Variants in MGAT4C observed in about 807,000 individuals in gnomAD.
MGAT4C encodes the protein alpha-1,3-mannosyl-glycoprotein 4-beta-N-acetylglucosaminyltransferase C.
In MGAT4C, 19 loss-of-function variants were observed where a neutral mutation model predicts 40.1. The observed-to-expected ratio is 0.47, with a 90% CI of 0.33 to 0.70. The LOEUF (loss-of-function observed/expected upper bound fraction) is 0.70, where lower values mean the gene tolerates loss of function less well. Among genes scored for constraint, MGAT4C ranks in the 30% least tolerant of loss-of-function variants. The pLI is 0.02. For missense variants in MGAT4C, 491 were observed against 563.2 expected, an observed-to-expected ratio of 0.87 and a Z score of 1.30; for synonymous variants, 181 against 187.1, an observed-to-expected ratio of 0.97 and a Z score of 0.27.
chr12:85,987,570 A>G (rs987299064), intron 3 of MGAT4C, among the ~76,000 whole-genome samples: 1 of 152,358 alleles, frequency 6.6e-6, no homozygotes, highest in East Asian at 1.9e-4. Flanking sequence ...GAGCTACTTC[A>G]TTAAATCATA....
chr12:86,505,550 GT>G (rs1232593490), intron 2 of MGAT4C, among the ~76,000 whole-genome samples: 1 of 152,144 alleles, frequency 6.6e-6, no homozygotes, highest in Non-Finnish European at 1.5e-5. Context: ...TTTCTCATCT[GT>G]TTATTTTTCC....
chr12:86,494,683 G>C (rs901028512), intron 2 of MGAT4C, among the ~76,000 whole-genome samples: 2 of 151,120 alleles, frequency 1.3e-5, no homozygotes, highest in African/African-American at 4.9e-5. Flanking sequence ...TGTAGAGATA[G>C]GGAAAAATAT....
At chr12:86,558,842 A>T (rs1233689860) in intron 2 of MGAT4C, among the ~76,000 whole-genome samples, 2 of 152,022 alleles carry the variant, frequency 1.3e-5, no homozygotes, top group Non-Finnish European at 2.9e-5. Flanking sequence ...AAAACAATTA[A>T]CAAAATAATA....
intron 1 of MGAT4C, among the ~76,000 whole-genome samples, chr12:86,757,391 T>C (rs1424636869): frequency 6.6e-6 from 1 of 152,128 alleles, no homozygotes; most frequent in Non-Finnish European, 1.5e-5. Context: ...TAAATTACTA[T>C]ATTAAAAAAT....
intron 3 of MGAT4C, among the ~76,000 whole-genome samples, chr12:86,352,071 G>C (rs2136192629): frequency 6.6e-6 from 1 of 152,126 alleles, no homozygotes; most frequent in African/African-American, 2.4e-5. Context: ...TGAATAAAGA[G>C]CTTATTGGCA....
chr12:86,278,603 A>G (rs573276538), intron 4 of MGAT4C, among the ~76,000 whole-genome samples: 5 of 152,144 alleles, frequency 3.3e-5, no homozygotes, highest in African/African-American at 1.2e-4. Context: ...TTCTTGGTGG[A>G]GTCCTTAGGT....
At chr12:86,612,757 A>G (rs993428168) in intron 2 of MGAT4C, among the ~76,000 whole-genome samples, 11 of 151,750 alleles carry the variant, frequency 7.2e-5, no homozygotes, top group Non-Finnish European at 1.6e-4. Context: ...AAAAAAAAAA[A>G]AAAAGTAGAT....
At chr12:86,758,350 G>A (rs1951342319) in intron 1 of MGAT4C, among the ~76,000 whole-genome samples, 1 of 148,218 alleles carries the variant, frequency 6.7e-6, no homozygotes. Context: ...AATAAAGCTA[G>A]GGAACATATT....
intron 2 of MGAT4C, among the ~76,000 whole-genome samples, chr12:86,679,614 G>A (rs1949943453): frequency 6.6e-6 from 1 of 152,088 alleles, no homozygotes; most frequent in Admixed American, 6.6e-5. Flanking sequence ...AGGTGATTAA[G>A]TCATGAGCAG....
chr12:86,612,713 C>G (rs1168928429), intron 2 of MGAT4C, among the ~76,000 whole-genome samples: 1 of 143,616 alleles, frequency 7.0e-6, no homozygotes, highest in Non-Finnish European at 1.5e-5. Flanking sequence ...GCACTCCAGC[C>G]TGGGCAACAG....
chr12:86,226,032 A>G lies in MGAT4C; in HGVS notation c.-57+30207T>C, dbSNP rs546107760. ...TCTTCACTGGGAGGAAGCAAAAAAC[A>G]AGGCGCTTGCATGTAATAACAGATC... On this transcript the variant is annotated intron_variant, in intron 1 of 4. Coordinates refer to ENST00000611864, the MANE Select transcript of MGAT4C (RefSeq NM_001351288.2). Among the ~76,000 whole-genome samples the G allele has an allele frequency of 8.0e-4, 122 of 152,108 alleles. 1 individual carries two copies. The highest frequency in any genetic ancestry group is 2.9e-3 in the African/African-American group (120 of 41,558).
chr12:86,274,013 T>C (rs1325500315), intron 4 of MGAT4C, among the ~76,000 whole-genome samples: 1 of 152,162 alleles, frequency 6.6e-6, no homozygotes, highest in Non-Finnish European at 1.5e-5. Context: ...TGGCATCTGC[T>C]CAGCTCCTGG....
At position 86,420,213 on chromosome 12, in the gene MGAT4C, C is replaced by CT. The variant is rs372959043; in HGVS notation, c.-120+14943dup. Among the ~76,000 whole-genome samples, 1,304 of 151,866 alleles carry CT rather than the reference C, an allele frequency of 8.6e-3. 24 individuals are homozygous for CT. Among genetic ancestry groups the CT allele is most frequent in the African/African-American group, 0.03 (1,253 of 41,398 alleles). On this transcript the variant is annotated intron_variant, in intron 3 of 7. Coordinates refer to the MGAT4C transcript ENST00000548651. Reference sequence around the variant, plus strand: ...GGCAACATGGTGAAAACTTTTGTCTCTAAGAACGATTTTTAAAAATTAGCG... The same window carrying CT: ...GGCAACATGGTGAAAACTTTTGTCTCTTAAGAACGATTTTTAAAAATTAGCG...
At chr12:86,221,400 G>A (rs1366968070) in intron 1 of MGAT4C, among the ~76,000 whole-genome samples, 1 of 152,096 alleles carries the variant, frequency 6.6e-6, no homozygotes. Flanking sequence ...CATTCTTTAT[G>A]TCATCAATTG....
intron 1 of MGAT4C, among the ~76,000 whole-genome samples, chr12:86,772,599 C>G (rs763336074): frequency 6.8e-6 from 1 of 147,828 alleles, no homozygotes; most frequent in African/African-American, 2.5e-5. Flanking sequence ...AGGCTGCCAC[C>G]CTGAGGGGGC....
At chr12:86,770,050 A>T (rs969021613) in intron 1 of MGAT4C, among the ~76,000 whole-genome samples, 13 of 152,212 alleles carry the variant, frequency 8.5e-5, no homozygotes, top group African/African-American at 2.9e-4. Context: ...TATTAGCTTT[A>T]TTCCATTAAA....
chr12:86,243,214 C>T (rs908811845), intron 1 of MGAT4C, among the ~76,000 whole-genome samples: 3 of 152,174 alleles, frequency 2.0e-5, no homozygotes, highest in African/African-American at 7.2e-5. Context: ...TTCTTGGTTA[C>T]TGACAAATTT....
chr12:86,394,508 A>T (rs1956214179), intron 3 of MGAT4C, among the ~76,000 whole-genome samples: 1 of 143,074 alleles, frequency 7.0e-6, no homozygotes, highest in South Asian at 2.1e-4. Context: ...TATATTTTTT[A>T]AATATTTATA....
intron 1 of MGAT4C, among the ~76,000 whole-genome samples, chr12:86,240,410 C>T (rs1165550996): frequency 6.6e-6 from 1 of 151,716 alleles, no homozygotes; most frequent in African/African-American, 2.4e-5. Flanking sequence ...TTTTGAACAA[C>T]TGGGAGCAAA....
Sources: gnomAD v4.1 joint callset for allele counts (sites outside exome capture counted in the v4.1 genomes callset) on GRCh38, gnomAD v4.1.1 for gene constraint, MANE v1.5 for transcripts, NCBI Gene and HGNC (gene_info 2026-07-23, HGNC 2026-07-21) for gene names.